ATAD2B: variants seen among roughly 807,000 people sequenced by gnomAD.
ATAD2B encodes the protein ATPase family AAA domain containing 2B.
Under a neutral mutation model 167.6 loss-of-function variants are expected in ATAD2B, and 40 were observed. That is an observed-to-expected ratio of 0.24 (90% confidence interval 0.19 to 0.31). The LOEUF is 0.31. ATAD2B is among the 10% of genes least tolerant of loss of function. The pLI is 1.00. For synonymous variants in ATAD2B, 579 were observed against 596.5 expected, an observed-to-expected ratio of 0.97 and a Z score of 0.43; for missense variants, 1,242 against 1,757.2, an observed-to-expected ratio of 0.71 and a Z score of 5.24.
chr2:23,765,174 A>G (rs1677237307), intron 23 of ATAD2B, among the ~76,000 whole-genome samples: 1 of 152,246 alleles, frequency 6.6e-6, no homozygotes, highest in African/African-American at 2.4e-5. Flanking sequence ...AAGTACCAGA[A>G]AGTAAACTGA....
At chr2:23,687,174 G>A in the ATAD2B span, among the ~76,000 whole-genome samples, 3 of 152,204 alleles carry the variant, frequency 2.0e-5, no homozygotes, top group African/African-American at 7.2e-5. Flanking sequence ...ACTCTTGTAA[G>A]GGGAGGGAGT....
At chr2:23,843,833 T>C (rs1195184560) in intron 13 of ATAD2B, among the ~76,000 whole-genome samples, 2 of 152,200 alleles carry the variant, frequency 1.3e-5, no homozygotes, top group African/African-American at 4.8e-5. Context: ...AACCTCATGA[T>C]TCAAAGGTCA....
intron 13 of ATAD2B, among the ~76,000 whole-genome samples, chr2:23,845,786 G>A (rs1691692246): frequency 6.7e-6 from 1 of 149,778 alleles, no homozygotes; most frequent in Non-Finnish European, 1.5e-5. Flanking sequence ...CACTATGTTG[G>A]CCAGGCTGGT....
intron 8 of ATAD2B, chr2:23,872,431 A>G: frequency 1.4e-6 from 1 of 722,464 alleles, no homozygotes; most frequent in Non-Finnish European, 2.6e-6. Context: ...ATGTTTCACA[A>G]TGCCCCAGAG....
chr2:23,924,325 C>T (rs1704403703), intron 1 of ATAD2B, among the ~76,000 whole-genome samples: 1 of 152,152 alleles, frequency 6.6e-6, no homozygotes, highest in African/African-American at 2.4e-5. Context: ...ACGGGCAACC[C>T]CATTTTGCAC....
chr2:23,693,574 C>T, the ATAD2B span: 1 of 1,526,178 alleles, frequency 6.6e-7, no homozygotes, highest in Non-Finnish European at 8.9e-7. Context: ...GGTTTGGGGT[C>T]CCCCTGCGGC....
intron 25 of ATAD2B, 38 bp from the exon 26 acceptor site, chr2:23,754,812 A>C: frequency 6.3e-7 from 1 of 1,588,336 alleles, no homozygotes; most frequent in Non-Finnish European, 8.6e-7. Context: ...CAGCAAGTAA[A>C]AGTTAAGAAA....
chr2:23,857,457 C>A lies in ATAD2B; in HGVS notation c.1526G>T (p.Gly509Val), dbSNP rs774818565. 3 of 1,515,850 alleles carry A rather than the reference C, an allele frequency of 2.0e-6. No individual in the cohort carries two copies. The highest frequency in any genetic ancestry group is 1.8e-6 in the Non-Finnish European group (2 of 1,138,296). The allele number at this position is 1,515,850 out of a possible 1,614,324, so 93.9% of individuals were successfully genotyped here. A position where few individuals can be genotyped will look rare whatever the true frequency, so the allele number is the denominator to read the frequency against. The part of the protein sequence containing the change: ...PSIIFFDEID[G>V]LAPVRSSRQD... ...TCTGCTAGAGCGAACTGGAGCTAATCCATCTATTTCATCAAAAAATATTAT... is the reference window on the plus strand; with the variant it reads ...TCTGCTAGAGCGAACTGGAGCTAATACATCTATTTCATCAAAAAATATTAT... Residue 509 changes from glycine (G) to valine (V), a missense_variant, in exon 13 of 28, where the codon GGA becomes GTA. By Grantham distance (109) the Gly-to-Val change is moderately radical. Transcript: ENST00000238789.
the ATAD2B span, among the ~76,000 whole-genome samples, chr2:23,692,200 C>T: frequency 1.3e-5 from 2 of 152,196 alleles, no homozygotes; most frequent in Non-Finnish European, 2.9e-5. Context: ...AGGCTATGGC[C>T]CTGGCCTCAC....
chr2:23,914,118 G>C (rs1275755939), intron 1 of ATAD2B, among the ~76,000 whole-genome samples: 1 of 152,082 alleles, frequency 6.6e-6, no homozygotes, highest in Non-Finnish European at 1.5e-5. Flanking sequence ...AAAAAGTATA[G>C]TATTGCCATA....
intron 19 of ATAD2B, among the ~76,000 whole-genome samples, chr2:23,791,423 G>C (rs1271699176): frequency 6.6e-6 from 1 of 150,678 alleles, no homozygotes; most frequent in Non-Finnish European, 1.5e-5. Context: ...CCAATACTTG[G>C]TATTCTTTAT....
chr2:23,823,673 T>C, intron 15 of ATAD2B, 104 bp from the exon 16 acceptor site: 1 of 1,023,726 alleles, frequency 9.8e-7, no homozygotes, highest in Non-Finnish European at 1.4e-6. Context: ...TAATCAATAC[T>C]AAATCAATAA....
chr2:23,778,972 A>C (rs760683507), intron 22 of ATAD2B, among the ~76,000 whole-genome samples: 4 of 152,082 alleles, frequency 2.6e-5, no homozygotes, highest in Non-Finnish European at 4.4e-5. Flanking sequence ...AAACCACTAC[A>C]TATACAGTTG....
At chr2:23,912,779 T>A (rs1474471562) in intron 1 of ATAD2B, among the ~76,000 whole-genome samples, 3 of 151,774 alleles carry the variant, frequency 2.0e-5, no homozygotes, top group African/African-American at 7.3e-5. Context: ...TCACCTGAGG[T>A]TAAGAGTTCG....
the ATAD2B span, among the ~76,000 whole-genome samples, chr2:23,718,139 A>G: frequency 6.6e-6 from 1 of 151,710 alleles, no homozygotes; most frequent in African/African-American, 2.4e-5. Flanking sequence ...CTCCGAGAAA[A>G]TTTTTTTTTA....
At chr2:23,871,072 G>A (rs1695894394) in intron 8 of ATAD2B, among the ~76,000 whole-genome samples, 1 of 149,772 alleles carries the variant, frequency 6.7e-6, no homozygotes, top group African/African-American at 2.5e-5. Flanking sequence ...CTTTTAAACT[G>A]TATATTCAGT....
At chr2:23,856,424 T>C (rs780390462) in intron 13 of ATAD2B, 16 of 399,714 alleles carry the variant, frequency 4.0e-5, no homozygotes, top group Non-Finnish European at 7.1e-5. Context: ...CTGTAGCAGG[T>C]TGAGCATTAT....
chr2:23,696,257 C>A, the ATAD2B span: 100 of 1,497,420 alleles, frequency 6.7e-5, no homozygotes, highest in Non-Finnish European at 8.4e-5. This position sits in a 1 kb window ranked among gnomAD's most constrained non-coding sequence, Gnocchi z 5.5. Context: ...CCTTCCTCTG[C>A]CCCTGGGGCT....
At chr2:23,709,301 G>A in the ATAD2B span, among the ~76,000 whole-genome samples, 76 of 152,202 alleles carry the variant, frequency 5.0e-4, no homozygotes, top group African/African-American at 1.7e-3. Context: ...CTCAGCCTCC[G>A]AAAGTGCTGG....
Sources: gnomAD v4.1 joint callset for allele counts (sites outside exome capture counted in the v4.1 genomes callset) on GRCh38, gnomAD v4.1.1 for gene constraint, Gnocchi (gnomAD v3.1) non-coding constraint, MANE v1.5 for transcripts, NCBI Gene and HGNC (gene_info 2026-07-23, HGNC 2026-07-21) for gene names.